HNF1B: variants seen among roughly 807,000 people sequenced by gnomAD.
HNF1B encodes the protein hepatocyte nuclear factor 1-beta.
Under a neutral mutation model 61.7 loss-of-function variants are expected in HNF1B, and 8 were observed. The ratio of observed to expected loss-of-function variants is 0.13; its 90% CI spans 0.08 to 0.23. The LOEUF (loss-of-function observed/expected upper bound fraction) is 0.23, where lower values mean the gene tolerates loss of function less well. HNF1B is among the 10% of genes least tolerant of loss of function. The pLI is 1.00. For synonymous variants in HNF1B, 314 were observed against 287.7 expected, an observed-to-expected ratio of 1.09 and a Z score of -0.93; for missense variants, 562 against 714.5, an observed-to-expected ratio of 0.79 and a Z score of 2.43.
At chr17:37,706,915 C>A (rs1295356763) in intron 5 of HNF1B, among the ~76,000 whole-genome samples, 3 of 152,086 alleles carry the variant, frequency 2.0e-5, no homozygotes, top group Non-Finnish European at 4.4e-5. Flanking sequence ...GTAGGGCAGG[C>A]ATTATTACTA....
Position 37,743,387 on chromosome 17 carries a change from G to A in HNF1B, c.344+1154C>T, listed in dbSNP as rs577233871. On this transcript the variant is annotated intron_variant, in intron 1 of 8. Transcript: ENST00000617811. ...TCACCTCCGGGCGGGAGAGCGACGA[G>A]GGAAGAACCTCAAACCTATGAATTA... is the stretch of plus-strand genomic sequence containing the variant. Among the ~76,000 whole-genome samples the A allele has an allele frequency of 5.3e-5, 8 of 152,376 alleles. No individual in the cohort carries two copies. In the South Asian group the frequency reaches 8.3e-4, roughly 16 times the overall value.
At position 37,699,092 on chromosome 17, in the gene HNF1B, AT is replaced by A. The variant is rs2032478237; in HGVS notation, c.1636del (p.Met546CysfsTer45). ...DTSSISTLTN[M>X]SSSKQCPLQA... ...TGGCATTACCTGTTTACTTGAAGAC[AT>A]GTTGGTGAGTGTACTGATGCTGCTG... On this transcript the variant is annotated frameshift_variant, in exon 8 of 9. Coordinates refer to ENST00000617811, the MANE Select transcript of HNF1B (RefSeq NM_000458.4). LOFTEE classifies it high-confidence loss of function. 6.2e-7 allele frequency: 1 copy of A among 1,612,960 alleles called. No individual in the cohort carries two copies. Among genetic ancestry groups the A allele is most frequent in the South Asian group, 1.1e-5 (1 of 91,060 alleles).
At chr17:37,710,716 AACAATGACTCGGC>A (rs1177459782) in intron 4 of HNF1B, 53 bp from the exon 5 acceptor site, 1 of 1,566,228 alleles carries the variant, frequency 6.4e-7, no homozygotes, top group Non-Finnish European at 8.7e-7. Context: ...AGGGTCCTGG[AACAATGACTCGGC>A]ACCTCTTGTT....
chr17:37,691,742 G>A lies in HNF1B; in HGVS notation c.1654-4350C>T, dbSNP rs114835016. On this transcript the variant is annotated intron_variant, in intron 8 of 8. Coordinates refer to ENST00000617811, the MANE Select transcript of HNF1B (RefSeq NM_000458.4). Reference sequence around the variant, plus strand: ...TCTGAGGTCACACAGGTAGAAAGTGGTAGAATGTTGAGCCCAGATCTGCCT... The same window carrying A: ...TCTGAGGTCACACAGGTAGAAAGTGATAGAATGTTGAGCCCAGATCTGCCT... Among the ~76,000 whole-genome samples, 234 of 152,260 alleles carry A rather than the reference G, an allele frequency of 1.5e-3. 1 individual carries two copies. The highest frequency in any genetic ancestry group is 5.2e-3 in the African/African-American group (216 of 41,544).
intron 2 of HNF1B, among the ~76,000 whole-genome samples, chr17:37,735,899 C>T (rs182239914): frequency 4.6e-5 from 7 of 152,260 alleles, no homozygotes; most frequent in Admixed American, 2.0e-4. Flanking sequence ...GCTGGGACTA[C>T]GGATGTGCAG....
chr17:37,722,565 G>A (rs1051891167), intron 4 of HNF1B, among the ~76,000 whole-genome samples: 5 of 152,138 alleles, frequency 3.3e-5, no homozygotes, highest in Admixed American at 2.6e-4. Flanking sequence ...GCTTCCCTTG[G>A]GAAAGTCTAC....
intron 4 of HNF1B, among the ~76,000 whole-genome samples, chr17:37,724,087 C>G (rs1232280522): frequency 6.6e-6 from 1 of 152,086 alleles, no homozygotes; most frequent in Non-Finnish European, 1.5e-5. Context: ...GGTTGGGAGG[C>G]AAAGGGGAGT....
chr17:37,697,554 A>G (rs1315106198), intron 8 of HNF1B, among the ~76,000 whole-genome samples: 1 of 152,232 alleles, frequency 6.6e-6, no homozygotes, highest in East Asian at 1.9e-4. Flanking sequence ...ATAATTAATC[A>G]TGGTCCTGTC....
chr17:37,698,718 G>A (rs2032464374), intron 8 of HNF1B, among the ~76,000 whole-genome samples: 1 of 152,028 alleles, frequency 6.6e-6, no homozygotes, highest in Non-Finnish European at 1.5e-5. Flanking sequence ...CCTCAGCAGG[G>A]GATCTGTCCT....
chr17:37,694,135 T>C (rs1046050919), intron 8 of HNF1B, among the ~76,000 whole-genome samples: 1 of 152,140 alleles, frequency 6.6e-6, no homozygotes, highest in African/African-American at 2.4e-5. Flanking sequence ...ACTATAAAGA[T>C]ACTTGAAGAT....
intron 8 of HNF1B, among the ~76,000 whole-genome samples, chr17:37,693,269 A>G (rs2032270712): frequency 6.6e-6 from 1 of 151,938 alleles, no homozygotes; most frequent in Non-Finnish European, 1.5e-5. Flanking sequence ...GGGAGAGAAA[A>G]CAGGGAGGGG....
intron 1 of HNF1B, among the ~76,000 whole-genome samples, chr17:37,740,468 ATT>A (rs2033961785): frequency 6.6e-6 from 1 of 152,174 alleles, no homozygotes; most frequent in South Asian, 2.1e-4. Context: ...GGGTATCTCC[ATT>A]TCTTATAAAA....
intron 2 of HNF1B, among the ~76,000 whole-genome samples, chr17:37,737,778 T>C (rs11654969): frequency 6.6e-6 from 1 of 151,818 alleles, no homozygotes; most frequent in South Asian, 2.1e-4. Context: ...GAGCTTGCAG[T>C]GAGCCAAGAT....
chr17:37,736,171 T>C (rs1031561795), intron 2 of HNF1B, among the ~76,000 whole-genome samples: 4 of 152,224 alleles, frequency 2.6e-5, no homozygotes, highest in Non-Finnish European at 5.9e-5. Flanking sequence ...GAGAAGGAGA[T>C]GTCCCCTGCT....
At chr17:37,738,551 A>G (rs974895315) in intron 2 of HNF1B, among the ~76,000 whole-genome samples, 6 of 152,226 alleles carry the variant, frequency 3.9e-5, no homozygotes, top group African/African-American at 1.4e-4. Flanking sequence ...AACCGATACA[A>G]ATTTTCCAGG....
chr17:37,732,928 G>A (rs919895829), intron 3 of HNF1B, among the ~76,000 whole-genome samples: 14 of 149,626 alleles, frequency 9.4e-5, no homozygotes, highest in Admixed American at 2.0e-4. Context: ...CAATCCTCCC[G>A]CCTCGGCCTC....
rs1175045318 is a variant in HNF1B at position 37,744,949 on chromosome 17, G to A, written c.-65C>T. 1.4e-6 allele frequency: 2 copies of A among 1,381,644 alleles called. No homozygotes were observed. The highest frequency in any genetic ancestry group is 2.4e-5 in the East Asian group (1 of 41,428). The allele number at this position is 1,381,644 out of a possible 1,614,324, so 85.6% of individuals were successfully genotyped here. A position where few individuals can be genotyped will look rare whatever the true frequency, so the allele number is the denominator to read the frequency against. On this transcript the variant is annotated 5_prime_UTR_variant, in exon 1 of 9. Transcript: ENST00000617811. ...GGGTGCGAGAGAGGAGGGTGGAGGG[G>A]AGTTTCACAAGCAAACCCCAAATCC...
At chr17:37,736,420 T>C (rs570538440) in intron 2 of HNF1B, among the ~76,000 whole-genome samples, 1 of 152,330 alleles carries the variant, frequency 6.6e-6, no homozygotes, top group South Asian at 2.1e-4. Flanking sequence ...GACCGCTCCA[T>C]GTGAGAAGTA....
At chr17:37,705,555 G>A (rs2032718480) in intron 5 of HNF1B, among the ~76,000 whole-genome samples, 1 of 152,064 alleles carries the variant, frequency 6.6e-6, no homozygotes, top group Admixed American at 6.5e-5. Flanking sequence ...TTTGGTCAAG[G>A]ATCCTATATT....
Sources: allele counts gnomAD v4.1 joint callset (sites outside exome capture counted in the v4.1 genomes callset), GRCh38; gene constraint gnomAD v4.1.1; transcripts MANE v1.5; gene names NCBI Gene and HGNC (gene_info 2026-07-23, HGNC 2026-07-21).